PCSK6: variants seen among roughly 807,000 people sequenced by gnomAD.
The protein encoded by PCSK6 is paired basic amino acid cleaving enzyme 4.
In PCSK6, 85 loss-of-function variants were observed where a neutral mutation model predicts 123.3. The observed-to-expected ratio is 0.69, with a 90% CI of 0.58 to 0.83. The LOEUF (loss-of-function observed/expected upper bound fraction) is 0.83, where lower values mean the gene tolerates loss of function less well. PCSK6 is among the 40% of genes least tolerant of loss of function. The probability of loss-of-function intolerance (pLI) is 0.00; values close to 1 mark genes in which losing one functional copy is unlikely to be tolerated. For synonymous variants in PCSK6, 508 were observed against 516.0 expected (o/e 0.98, Z 0.21); for missense variants, 1,191 against 1,282.3 (o/e 0.93, Z 1.09).
chr15:101,328,765 C>T (rs1287849449), intron 15 of PCSK6, among the ~76,000 whole-genome samples: 4 of 152,210 alleles, frequency 2.6e-5, no homozygotes, highest in Non-Finnish European at 4.4e-5. Flanking sequence ...GATGCCCATC[C>T]AAGGGTGGAG....
intron 1 of PCSK6, among the ~76,000 whole-genome samples, chr15:101,454,682 T>C (rs2057128311): frequency 6.6e-6 from 1 of 152,082 alleles, no homozygotes; most frequent in African/African-American, 2.4e-5. Flanking sequence ...GGCTTCTGCC[T>C]GTAATTCCAG....
At chr15:101,320,896 C>T (rs1301933853) in intron 18 of PCSK6, among the ~76,000 whole-genome samples, 2 of 152,244 alleles carry the variant, frequency 1.3e-5, no homozygotes, top group Non-Finnish European at 2.9e-5. Flanking sequence ...GAAGCACTGC[C>T]TCTATGTGGC....
Position 101,436,009 on chromosome 15 carries a change from A to C in PCSK6, c.403-3909T>G, listed in dbSNP as rs948179941. 4.6e-5 allele frequency among the ~76,000 whole-genome samples: 7 copies of C among 152,144 alleles called. No homozygotes were observed. In the East Asian group the frequency reaches 1.4e-3, roughly 29 times the overall value. On this transcript the variant is annotated intron_variant, in intron 2 of 21. Transcript: ENST00000611716. ...AGAAGCTTGCTGACATATCATTCCC[A>C]GGTGTGACAAGCGACAGGGGAGGGT...
In PCSK6 at chr15:101,384,365, G is replaced by A; in HGVS notation, c.1371C>T (p.His457=). ...HLLVKTSRPA[H]LKASDWKVNG... ...TCACTTTCCAGTCGCTCGCTTTCAG[G>A]TGGGCCGGCCGGGATGTCTTCACTA... The change falls in exon 10 of 22, where the codon CAC becomes CAT. Residue 457 remains histidine (H), a synonymous_variant. Coordinates refer to ENST00000611716, the MANE Select transcript of PCSK6 (RefSeq NM_002570.5). 1.2e-6 allele frequency: 2 copies of A among 1,613,776 alleles called. No homozygotes were observed. The highest frequency in any genetic ancestry group is 1.7e-6 in the Non-Finnish European group (2 of 1,179,838).
chr15:101,359,039 G>A (rs1002712744), intron 13 of PCSK6, among the ~76,000 whole-genome samples: 5 of 152,180 alleles, frequency 3.3e-5, no homozygotes, highest in Non-Finnish European at 2.9e-5. Flanking sequence ...ACAGGAAGGC[G>A]CCCGTCCTCC....
At chr15:101,329,266 G>T (rs1254606586) in intron 15 of PCSK6, among the ~76,000 whole-genome samples, 1 of 152,212 alleles carries the variant, frequency 6.6e-6, no homozygotes, top group African/African-American at 2.4e-5. Flanking sequence ...GAAGCAACTT[G>T]GGAGTTCTCC....
chr15:101,410,229 C>T (rs1241110857), intron 6 of PCSK6, among the ~76,000 whole-genome samples: 1 of 152,164 alleles, frequency 6.6e-6, no homozygotes, highest in African/African-American at 2.4e-5. Flanking sequence ...CTGTGCTTGG[C>T]CAGGGCCTTT....
chr15:101,489,558 C>A lies in PCSK6; in HGVS notation c.113G>T (p.Gly38Val). The A allele has an allele frequency of 3.1e-6, 3 of 978,020 alleles. No homozygotes were observed. The highest frequency in any genetic ancestry group is 3.6e-6 in the Non-Finnish European group (3 of 828,832). The allele number at this position is 978,020 out of a possible 1,614,324, so 60.6% of individuals were successfully genotyped here. A position where few individuals can be genotyped will look rare whatever the true frequency, so the allele number is the denominator to read the frequency against. The change falls in exon 1 of 22, where the codon GGG (glycine) becomes GTG (valine). Residue 38 changes from glycine to valine, a missense_variant. Physicochemically the swap from Gly to Val is moderately radical, Grantham distance 109 (BLOSUM62 -3). Coordinates refer to ENST00000611716, the MANE Select transcript of PCSK6 (RefSeq NM_002570.5). Reference sequence around the variant, plus strand: ...CGGCGCGAGCGGCCGGAACCCGGGCCCGCCGGCGCCCCCCGCGCCCCCCGC... The same window carrying A: ...CGGCGCGAGCGGCCGGAACCCGGGCACGCCGGCGCCCCCCGCGCCCCCCGC... ...GGAGGAGGAG[G>V]PGFRPLAPRP... is the part of the protein sequence containing the mutation.
At chr15:101,345,609 T>C (rs1034105345) in intron 13 of PCSK6, among the ~76,000 whole-genome samples, 2 of 152,262 alleles carry the variant, frequency 1.3e-5, no homozygotes, top group Non-Finnish European at 2.9e-5. Flanking sequence ...TTACACAGAC[T>C]ACATACTTAT....
At chr15:101,481,409 C>T (rs571282372) in intron 1 of PCSK6, among the ~76,000 whole-genome samples, 5 of 150,890 alleles carry the variant, frequency 3.3e-5, no homozygotes, top group Non-Finnish European at 5.9e-5. Context: ...GGCTGAGGGG[C>T]GAACCTGGTG....
At position 101,393,396 on chromosome 15, in the gene PCSK6, A is replaced by T; in HGVS notation, c.1025T>A (p.Val342Asp). The T allele has an allele frequency of 1.9e-6, 3 of 1,602,554 alleles. No homozygotes were observed. Among genetic ancestry groups the T allele is most frequent in the Admixed American group, 1.7e-5 (1 of 57,680 alleles). Residue 342 changes from valine to aspartate, a missense_variant, in exon 8 of 22, where the codon GTC becomes GAC. By Grantham distance (152) the Val-to-Asp change is radical. Coordinates refer to ENST00000611716, the MANE Select transcript of PCSK6 (RefSeq NM_002570.5). ...KGRQGLGSIF[V>D]WASGNGGREG... ...TCTCCCGCCATTCCCAGATGCCCAG[A>T]CGAAAATGGAGCCCAGGCCCTGCCG...
chr15:101,341,452 A>G (rs957178947), intron 13 of PCSK6, among the ~76,000 whole-genome samples: 6 of 149,268 alleles, frequency 4.0e-5, no homozygotes, highest in African/African-American at 1.5e-4. Context: ...AGTAGAGATG[A>G]GGTTTTACCA....
intron 13 of PCSK6, among the ~76,000 whole-genome samples, chr15:101,342,111 C>T (rs950704422): frequency 4.9e-5 from 4 of 81,074 alleles, no homozygotes; most frequent in Middle Eastern, 0.013. Flanking sequence ...GCCTGGGAAA[C>T]AGAGTAAGAC....
intron 20 of PCSK6, chr15:101,312,991 TGA>T: frequency 1.7e-6 from 2 of 1,156,786 alleles, no homozygotes; most frequent in African/African-American, 1.6e-5. Flanking sequence ...GGCGACAGAG[TGA>T]GAGTGTGTCT....
chr15:101,313,645 T>G (rs1429265571), intron 19 of PCSK6, 140 bp from the exon 20 acceptor site: 2 of 1,320,446 alleles, frequency 1.5e-6, no homozygotes, highest in African/African-American at 1.5e-5. Context: ...TTTCCCAGGT[T>G]CTGTGAGCTG....
chr15:101,349,089 TG>T (rs1045469635), intron 13 of PCSK6, among the ~76,000 whole-genome samples: 12 of 152,202 alleles, frequency 7.9e-5, no homozygotes, highest in Admixed American at 3.3e-4. Context: ...GAACCAAAGC[TG>T]GGATTCCACA....
chr15:101,321,388 T>C (rs552971369), intron 18 of PCSK6, among the ~76,000 whole-genome samples: 1 of 152,274 alleles, frequency 6.6e-6, no homozygotes, highest in East Asian at 1.9e-4. Flanking sequence ...AGTACTCTGA[T>C]CTGGAAGAAA....
At chr15:101,482,784 T>C (rs2057922265) in intron 1 of PCSK6, among the ~76,000 whole-genome samples, 1 of 100,098 alleles carries the variant, frequency 1.0e-5, no homozygotes, top group African/African-American at 3.7e-5. Flanking sequence ...TCAGTCCTGA[T>C]TCTGAGTCTG....
chr15:101,423,381 C>T (rs2056149147), intron 6 of PCSK6, among the ~76,000 whole-genome samples: 1 of 151,932 alleles, frequency 6.6e-6, no homozygotes, highest in South Asian at 2.1e-4. Flanking sequence ...TTGCCTCAGC[C>T]TCCTGAGTAG....
Sources: allele counts gnomAD v4.1 joint callset (sites outside exome capture counted in the v4.1 genomes callset), GRCh38; gene constraint gnomAD v4.1.1; transcripts MANE v1.5; gene names NCBI Gene and HGNC (gene_info 2026-07-23, HGNC 2026-07-21).